NAV3: variants seen among roughly 807,000 people sequenced by gnomAD.
NAV3 encodes the protein pore membrane and/or filament interacting like protein 1.
In NAV3, 87 loss-of-function variants were observed where a neutral mutation model predicts 244.7. The ratio of observed to expected loss-of-function variants is 0.36; its 90% confidence interval spans 0.30 to 0.42. The LOEUF (loss-of-function observed/expected upper bound fraction) is 0.42. NAV3 is among the 20% of genes least tolerant of loss of function. NAV3 has a pLI of 1.00. For synonymous variants in NAV3, 1,126 were observed against 1,042.2 expected (o/e 1.08, Z -1.55); for missense variants, 2,663 against 2,893.3 (o/e 0.92, Z 1.83).
At chr12:78,059,291 G>T (rs117983967) in intron 12 of NAV3, among the ~76,000 whole-genome samples, 176 bp downstream of exon 12, 7 of 151,074 alleles carry the variant, frequency 4.6e-5, no homozygotes, top group Admixed American at 3.3e-4. Flanking sequence ...GTTTGTTTTC[G>T]TTTTTTTTGT....
chr12:78,013,773 T>C (rs1875711550), intron 8 of NAV3, among the ~76,000 whole-genome samples: 1 of 152,082 alleles, frequency 6.6e-6, no homozygotes, highest in African/African-American at 2.4e-5. Context: ...AATGTATAGA[T>C]GAAGGAGCAA....
intron 1 of NAV3, among the ~76,000 whole-genome samples, chr12:77,915,656 A>G (rs1377419594): frequency 6.6e-6 from 1 of 151,994 alleles, no homozygotes; most frequent in Non-Finnish European, 1.5e-5. Context: ...CATTTTCTAT[A>G]TCCCTGAAGA....
At chr12:77,653,022 C>G (rs1872898281) in intron 2 of NAV3, among the ~76,000 whole-genome samples, 1 of 150,864 alleles carries the variant, frequency 6.6e-6, no homozygotes, top group East Asian at 1.9e-4. Flanking sequence ...ATTACCTAGT[C>G]AAATAAATTT....
At chr12:77,800,126 G>A (rs1356940) in intron 2 of NAV3, among the ~76,000 whole-genome samples, 148,174 of 152,254 alleles carry the variant, frequency 0.97, 72,254 homozygotes, top group East Asian at 1. Context: ...TGGAACATCA[G>A]TGGTAGCATT....
At chr12:78,110,401 A>G (rs2138386377) in intron 12 of NAV3, among the ~76,000 whole-genome samples, 1 of 152,212 alleles carries the variant, frequency 6.6e-6, no homozygotes, top group Admixed American at 6.5e-5. Context: ...CTACCAAATT[A>G]CCAATGTCAT....
intron 10 of NAV3, among the ~76,000 whole-genome samples, chr12:78,050,341 C>G (rs1043625192): frequency 3.3e-5 from 5 of 152,086 alleles, no homozygotes; most frequent in African/African-American, 1.2e-4. Flanking sequence ...ATTTCCAGTA[C>G]TGCAACTACC....
intron 12 of NAV3, among the ~76,000 whole-genome samples, chr12:78,106,648 C>T (rs1954817729): frequency 6.6e-6 from 1 of 152,208 alleles, no homozygotes; most frequent in African/African-American, 2.4e-5. Context: ...TTCACTACTG[C>T]CTCTTCTGTC....
chr12:77,981,307 C>G (rs907689478), intron 5 of NAV3, among the ~76,000 whole-genome samples: 10 of 152,130 alleles, frequency 6.6e-5, no homozygotes, highest in African/African-American at 2.4e-4. Context: ...AAATATCTCT[C>G]TCTTTCTTAG....
chr12:78,059,786 T>A (rs1884061574), intron 12 of NAV3, among the ~76,000 whole-genome samples: 1 of 152,166 alleles, frequency 6.6e-6, no homozygotes, highest in Non-Finnish European at 1.5e-5. Context: ...TTAATAAGTT[T>A]CATTCAGTTC....
At chr12:77,803,105 A>G (rs912579070) in intron 2 of NAV3, among the ~76,000 whole-genome samples, 4 of 152,180 alleles carry the variant, frequency 2.6e-5, no homozygotes, top group Admixed American at 1.3e-4. Flanking sequence ...ATTTTTTATT[A>G]TACTTTATAT....
intron 2 of NAV3, among the ~76,000 whole-genome samples, chr12:77,612,053 A>C (rs915562744): frequency 7.0e-6 from 1 of 143,642 alleles, no homozygotes; most frequent in Non-Finnish European, 1.5e-5. Context: ...TGCTTAATGA[A>C]CTGTTAGAAA....
chr12:78,050,483 G>A (rs1314144536), intron 10 of NAV3, among the ~76,000 whole-genome samples: 1 of 152,170 alleles, frequency 6.6e-6, no homozygotes, highest in Non-Finnish European at 1.5e-5. Context: ...GAATAGGTCT[G>A]GGAAGGTTAC....
rs1960957445 is a variant in NAV3, at chr12:78,212,499, AG to A, written c.*1983del. ...AAATCCGAACTGAATTTATGCACAT[AG>A]AATTGTCACCCTGACTTTGAAGCCT... On this transcript the variant is annotated 3_prime_UTR_variant, in exon 40 of 40. Coordinates refer to ENST00000397909, the MANE Select transcript of NAV3 (RefSeq NM_001024383.2). The A allele has an allele frequency of 6.6e-6, 1 of 152,646 alleles. No individual in the cohort carries two copies. The highest frequency in any genetic ancestry group is 2.1e-4 in the South Asian group (1 of 4,830). The allele number at this position is 152,646 out of a possible 1,614,324, so 9.5% of individuals were successfully genotyped here. A position where few individuals can be genotyped will look rare whatever the true frequency, so the allele number is the denominator to read the frequency against.
chr12:77,742,257 G>A (rs1162549592), intron 2 of NAV3, among the ~76,000 whole-genome samples: 1 of 151,952 alleles, frequency 6.6e-6, no homozygotes, highest in African/African-American at 2.4e-5. Flanking sequence ...GATAAGTTGT[G>A]CTTCTTTTTC....
At chr12:77,946,831 G>C (rs764090023) in intron 3 of NAV3, among the ~76,000 whole-genome samples, 23 of 152,070 alleles carry the variant, frequency 1.5e-4, no homozygotes, top group Non-Finnish European at 3.2e-4. Flanking sequence ...GGTAAAAGTT[G>C]TTTCAATGAC....
chr12:77,909,933 A>G (rs1462262198), intron 1 of NAV3, among the ~76,000 whole-genome samples: 1 of 152,104 alleles, frequency 6.6e-6, no homozygotes, highest in African/African-American at 2.4e-5. Context: ...CATTATATAT[A>G]TGCAATCACT....
At chr12:78,140,867 CTTTTAT>C (rs928470968) in intron 20 of NAV3, among the ~76,000 whole-genome samples, 1 of 149,408 alleles carries the variant, frequency 6.7e-6, no homozygotes, top group Non-Finnish European at 1.5e-5. Context: ...ATTTTTTTAA[CTTTTAT>C]TTTTATTTTA....
intron 2 of NAV3, among the ~76,000 whole-genome samples, chr12:77,631,425 T>TAAAATTGTCCTGGAAATGTAAAAATTGTA (rs1432009699): frequency 1.3e-5 from 2 of 151,188 alleles, no homozygotes; most frequent in East Asian, 3.9e-4. Flanking sequence ...CTTTAATTTG[T>TAAAATTGTCCTGGAAATGTAAAAATTGTA]AAAATGTCCC....
chr12:78,122,089 G>T lies in NAV3; in HGVS notation c.3899G>T (p.Ser1300Ile). 1 of 1,614,204 alleles carries T rather than the reference G, an allele frequency of 6.2e-7. No individual in the cohort carries two copies. Residue 1300 changes from serine (S) to isoleucine (I), a missense_variant, in exon 16 of 40, where the codon AGT (serine) becomes ATT (isoleucine). Coordinates refer to ENST00000397909, the MANE Select transcript of NAV3 (RefSeq NM_001024383.2). ...SPSSGTGSMG[S>I]AGGLSGSSSP... ...TCGTCCGGTACGGGCAGCATGGGCA[G>T]TGCTGGTGGGCTAAGCGGCAGCAGC...
Sources: allele counts gnomAD v4.1 joint callset (sites outside exome capture counted in the v4.1 genomes callset), GRCh38; gene constraint gnomAD v4.1.1; transcripts MANE v1.5; gene names NCBI Gene and HGNC (gene_info 2026-07-23, HGNC 2026-07-21).